The following GRAP2 variants were observed in gnomAD, a reference collection of about 807,000 sequenced individuals.
GRAP2 encodes the protein GRB2-related adapter protein 2.
GRAP2 carries 31 observed loss-of-function variants against 43.5 expected under a neutral mutation model. The ratio of observed to expected loss-of-function variants is 0.71; its 90% confidence interval spans 0.54 to 0.96. The LOEUF is 0.96. Among genes scored for constraint, GRAP2 ranks in the 40% least tolerant of loss-of-function variants. The pLI, the probability that GRAP2 is intolerant of heterozygous loss-of-function variation, is 0.00. For missense variants in GRAP2, 371 were observed against 424.4 expected (o/e 0.87, Z 1.11); for synonymous variants, 156 against 164.8 (o/e 0.95, Z 0.41).
chr22:39,926,951 T>G, intron 1 of GRAP2: 1 of 593,238 alleles, frequency 1.7e-6, no homozygotes, highest in Non-Finnish European at 2.1e-6. Context: ...CCAGCCTGGA[T>G]CCAGCCCAGT....
chr22:39,912,645 G>T (rs952945888), intron 1 of GRAP2, among the ~76,000 whole-genome samples: 2 of 152,190 alleles, frequency 1.3e-5, no homozygotes, highest in Non-Finnish European at 2.9e-5. Context: ...ATAGTGACAA[G>T]GTTGGAAAAC....
At chr22:39,955,273 G>T (rs561236369) in intron 2 of GRAP2, among the ~76,000 whole-genome samples, 1 of 152,078 alleles carries the variant, frequency 6.6e-6, no homozygotes, top group African/African-American at 2.4e-5. Context: ...CAGGGGGATC[G>T]CTTGAACCCA....
intron 1 of GRAP2, among the ~76,000 whole-genome samples, chr22:39,940,661 C>CATT (rs921530817): frequency 4.6e-5 from 7 of 152,014 alleles, no homozygotes; most frequent in Admixed American, 4.6e-4. Flanking sequence ...AATACAGGAT[C>CATT]ATTAACCCAG....
intron 1 of GRAP2, among the ~76,000 whole-genome samples, chr22:39,906,454 G>T (rs889967069): frequency 3.9e-5 from 6 of 152,072 alleles, no homozygotes; most frequent in Admixed American, 3.9e-4. Context: ...ATTACAAAAG[G>T]GTTCGACTGC....
intron 1 of GRAP2, among the ~76,000 whole-genome samples, chr22:39,927,177 C>T (rs917512513): frequency 5.9e-5 from 9 of 152,312 alleles, no homozygotes; most frequent in Non-Finnish European, 1.0e-4. Flanking sequence ...TCTGCCCCCC[C>T]GGCCATGCTA....
At chr22:39,903,040 C>T (rs1253497965) in intron 1 of GRAP2, among the ~76,000 whole-genome samples, 2 of 152,190 alleles carry the variant, frequency 1.3e-5, no homozygotes, top group Non-Finnish European at 2.9e-5. Context: ...CAGATAATAA[C>T]ACCCACTGGT....
Position 39,948,832 on chromosome 22 carries a change from C to T in GRAP2, c.78+1648C>T, listed in dbSNP as rs1039452092. Among the ~76,000 whole-genome samples the T allele has an allele frequency of 2.2e-4, 34 of 152,312 alleles. 1 individual carries two copies. Among genetic ancestry groups the T allele is most frequent in the South Asian group, 1.4e-3 (7 of 4,832 alleles). ...CTGGCTTTGGCAGCACCACCCTCTCCGGGTTCTTCTCCTCCCTTCCTGACC... is the reference window on the plus strand; with the variant it reads ...CTGGCTTTGGCAGCACCACCCTCTCTGGGTTCTTCTCCTCCCTTCCTGACC... On this transcript the variant is annotated intron_variant, in intron 2 of 7. Coordinates refer to ENST00000344138, the MANE Select transcript of GRAP2 (RefSeq NM_004810.4).
At chr22:39,909,148 T>G (rs992885188) in intron 1 of GRAP2, among the ~76,000 whole-genome samples, 3 of 152,234 alleles carry the variant, frequency 2.0e-5, no homozygotes, top group Non-Finnish European at 4.4e-5. Flanking sequence ...GAATTTTTAT[T>G]TTCTAGATCA....
At chr22:39,897,606 G>A (rs1240808255), upstream of GRAP2, among the ~76,000 whole-genome samples, 5 of 143,186 alleles carry the variant, frequency 3.5e-5, no homozygotes, top group African/African-American at 1.3e-4. Context: ...TGCAACCTCC[G>A]CCTCCCGGGT....
At chr22:39,934,026 T>A (rs13057704) in intron 1 of GRAP2, among the ~76,000 whole-genome samples, 1 of 152,040 alleles carries the variant, frequency 6.6e-6, no homozygotes, top group Non-Finnish European at 1.5e-5. Context: ...GGAAAAGCAA[T>A]TGCCGAAGAG....
chr22:39,967,917 C>G, intron 5 of GRAP2, 125 bp from the exon 6 acceptor site: 3 of 1,234,508 alleles, frequency 2.4e-6, no homozygotes, highest in Non-Finnish European at 3.3e-6. Context: ...TTTAGCTGCC[C>G]CCACCCCACC....
At chr22:39,913,319 A>T (rs759074233) in intron 1 of GRAP2, among the ~76,000 whole-genome samples, 2 of 152,096 alleles carry the variant, frequency 1.3e-5, no homozygotes, top group Non-Finnish European at 2.9e-5. Flanking sequence ...TCTAGAGTGG[A>T]TACCAGGTAT....
At chr22:39,967,896 A>C in intron 5 of GRAP2, 146 bp from the exon 6 acceptor site, 1 of 1,019,912 alleles carries the variant, frequency 9.8e-7, no homozygotes, top group Non-Finnish European at 1.4e-6. Context: ...GGTCTAAAGC[A>C]TCAATTATCT....
upstream of GRAP2, among the ~76,000 whole-genome samples, chr22:39,898,634 G>A (rs1247107690): frequency 6.6e-6 from 1 of 152,132 alleles, no homozygotes; most frequent in Admixed American, 6.5e-5. Flanking sequence ...CCAACATGGC[G>A]AAACCTCAGC....
Position 39,947,090 on chromosome 22 carries a change from C to G in GRAP2, c.-14-3C>G. 6.4e-7 allele frequency: 1 copy of G among 1,550,866 alleles called. No homozygotes were observed. The highest frequency in any genetic ancestry group is 1.4e-5 in the African/African-American group (1 of 73,844). On this transcript the variant is annotated splice_region_variant and splice_polypyrimidine_tract_variant and intron_variant, in intron 1 of 7. Transcript: ENST00000344138. ...CACAATGACCACATTATTTCTCTTC[C>G]AGCTTCACGTTACAGCATGGAAGCT...
intron 1 of GRAP2, among the ~76,000 whole-genome samples, chr22:39,920,727 C>T (rs967940280): frequency 7.2e-5 from 11 of 152,026 alleles, no homozygotes; most frequent in Admixed American, 2.6e-4. Flanking sequence ...GAGTAAGTTC[C>T]GTCACTCTGG....
In GRAP2 at chr22:39,960,077, C is replaced by T. The variant is rs974232489; in HGVS notation, c.193C>T (p.Arg65Ter). The change falls in exon 4 of 8, where the codon CGA becomes TGA. Residue 65 changes from arginine to a stop codon, truncating the protein, a stop_gained. Transcript: ENST00000344138. LOFTEE classifies it high-confidence loss of function. ...CAGATGGTTTCACGAAGGCCTCTCT[C>T]GACACCAGGCAGAGAACTTACTCAT... ...FPKWFHEGLS[R>*]HQAENLLMGK... is the part of the protein sequence containing the mutation. 4.3e-6 allele frequency: 7 copies of T among 1,612,954 alleles called. No individual in the cohort carries two copies. The highest frequency in any genetic ancestry group is 5.1e-6 in the Non-Finnish European group (6 of 1,179,058).
At chr22:39,953,323 C>T (rs1350346273) in intron 2 of GRAP2, among the ~76,000 whole-genome samples, 1 of 152,178 alleles carries the variant, frequency 6.6e-6, no homozygotes, top group African/African-American at 2.4e-5. Context: ...TGCCTCCTCT[C>T]ATGTATCTTC....
At chr22:39,931,090 T>G (rs2066750902) in intron 1 of GRAP2, among the ~76,000 whole-genome samples, 1 of 152,234 alleles carries the variant, frequency 6.6e-6, no homozygotes, top group Non-Finnish European at 1.5e-5. Flanking sequence ...TAAGATGGGC[T>G]GTCTAGTCCA....
Sources: gnomAD v4.1 joint callset for allele counts (sites outside exome capture counted in the v4.1 genomes callset) on GRCh38, gnomAD v4.1.1 for gene constraint, MANE v1.5 for transcripts, NCBI Gene and HGNC (gene_info 2026-07-23, HGNC 2026-07-21) for gene names.